Variants in PKNOX2 observed in about 807,000 individuals in gnomAD.
PKNOX2 encodes the protein homeobox protein PKNOX2.
In PKNOX2, 14 loss-of-function variants were observed where a neutral mutation model predicts 53.1. That is an observed-to-expected ratio of 0.26 (90% CI 0.17 to 0.41). The LOEUF (loss-of-function observed/expected upper bound fraction) is 0.41, where lower values mean the gene tolerates loss of function less well. Among genes scored for constraint, PKNOX2 ranks in the 10% least tolerant of loss-of-function variants. The pLI is 1.00. For missense variants in PKNOX2, 496 were observed against 602.8 expected, an observed-to-expected ratio of 0.82 and a Z score of 1.85; for synonymous variants, 257 against 242.8, an observed-to-expected ratio of 1.06 and a Z score of -0.54.
intron 2 of PKNOX2, among the ~76,000 whole-genome samples, chr11:125,295,778 A>G (rs1013611421): frequency 6.6e-6 from 1 of 152,178 alleles, no homozygotes; most frequent in African/African-American, 2.4e-5. Flanking sequence ...GACCACCCAT[A>G]GCCTTTCTCG....
intron 1 of PKNOX2, among the ~76,000 whole-genome samples, chr11:125,176,155 T>C (rs115636193): frequency 0.03 from 4,638 of 152,228 alleles, 234 homozygotes; most frequent in African/African-American, 0.1. Context: ...CCAACCGGAA[T>C]TGGGGCCTCC....
At chr11:125,303,339 G>A (rs1246863843) in intron 2 of PKNOX2, among the ~76,000 whole-genome samples, 2 of 152,310 alleles carry the variant, frequency 1.3e-5, no homozygotes, top group East Asian at 3.9e-4. Flanking sequence ...TACAGGCTGA[G>A]GAATGTGCCT....
chr11:125,236,237 G>T lies in PKNOX2; in HGVS notation c.-130+1122G>T, dbSNP rs182250100. The stretch of plus-strand genomic sequence containing the variant: ...CCCGCCTAATGGCCTGCGATTCAGC[G>T]CCGGTCGCCTCTGTGATTGACGGGC... On this transcript the variant is annotated intron_variant, in intron 2 of 12. Coordinates refer to ENST00000298282, the MANE Select transcript of PKNOX2 (RefSeq NM_001382323.2). Among the ~76,000 whole-genome samples the T allele has an allele frequency of 1.0e-3, 155 of 152,272 alleles. 1 individual carries two copies. Among genetic ancestry groups the T allele is most frequent in the Non-Finnish European group, 1.0e-4 (7 of 68,028 alleles).
chr11:125,229,130 C>T lies in PKNOX2; in HGVS notation c.-200-5915C>T, dbSNP rs189897085. On this transcript the variant is annotated intron_variant, in intron 1 of 12. Coordinates refer to ENST00000298282, the MANE Select transcript of PKNOX2 (RefSeq NM_001382323.2). The stretch of plus-strand genomic sequence containing the variant: ...GGTGTTGGCATTTCCTGGCCCTCCT[C>T]CTCCAGCATGCAGCTGAGTACGGCA... Among the ~76,000 whole-genome samples the T allele has an allele frequency of 1.2e-3, 184 of 152,330 alleles. 1 individual carries two copies. Among genetic ancestry groups the T allele is most frequent in the Admixed American group, 3.2e-3 (49 of 15,312 alleles).
intron 1 of PKNOX2, among the ~76,000 whole-genome samples, chr11:125,217,939 TTC>T (rs1940707280): frequency 6.6e-6 from 1 of 152,166 alleles, no homozygotes; most frequent in Admixed American, 6.5e-5. Flanking sequence ...AACCTCAACT[TTC>T]TGTTGCACTG....
intron 2 of PKNOX2, among the ~76,000 whole-genome samples, chr11:125,256,530 T>A (rs1944410860): frequency 6.6e-6 from 1 of 152,106 alleles, no homozygotes; most frequent in Admixed American, 6.5e-5. Context: ...CCAGACTCCA[T>A]CCAGTGAGTT....
At chr11:125,232,614 T>C (rs1942307243) in intron 1 of PKNOX2, among the ~76,000 whole-genome samples, 1 of 152,236 alleles carries the variant, frequency 6.6e-6, no homozygotes, top group Non-Finnish European at 1.5e-5. Context: ...TCCTCTCTTT[T>C]CTATTCATCA....
intron 10 of PKNOX2, among the ~76,000 whole-genome samples, chr11:125,414,236 G>C (rs1398134068): frequency 6.6e-6 from 1 of 152,166 alleles, no homozygotes; most frequent in East Asian, 1.9e-4. Flanking sequence ...ACCCAGGCTG[G>C]CATCTACAGA....
chr11:125,268,241 C>T (rs575727716), intron 2 of PKNOX2, among the ~76,000 whole-genome samples: 1 of 152,366 alleles, frequency 6.6e-6, no homozygotes, highest in South Asian at 2.1e-4. Flanking sequence ...AAAAGCATCT[C>T]TCAACCCAAT....
chr11:125,346,062 C>T (rs1376641599), intron 3 of PKNOX2, among the ~76,000 whole-genome samples: 1 of 152,068 alleles, frequency 6.6e-6, no homozygotes, highest in African/African-American at 2.4e-5. Flanking sequence ...TTGAAGCCAG[C>T]CAGGTTACTA....
chr11:125,225,951 A>G (rs1436903094), intron 1 of PKNOX2, among the ~76,000 whole-genome samples: 2 of 152,146 alleles, frequency 1.3e-5, no homozygotes, highest in Admixed American at 6.6e-5. Flanking sequence ...AAGCCCAGGG[A>G]TCAACCTGTA....
At chr11:125,277,066 A>G (rs1314599222) in intron 2 of PKNOX2, among the ~76,000 whole-genome samples, 1 of 152,182 alleles carries the variant, frequency 6.6e-6, no homozygotes, top group Non-Finnish European at 1.5e-5. Flanking sequence ...TTAATGAAGT[A>G]GGATTGGAGA....
intron 5 of PKNOX2, 65 bp downstream of exon 5, chr11:125,368,050 G>A: frequency 6.4e-7 from 1 of 1,551,770 alleles, no homozygotes; most frequent in Non-Finnish European, 8.7e-7. Context: ...AGCTGTGAGG[G>A]ATGAGAATGC....
intron 2 of PKNOX2, among the ~76,000 whole-genome samples, chr11:125,267,087 G>T (rs955874752): frequency 3.9e-5 from 6 of 152,340 alleles, no homozygotes; most frequent in Middle Eastern, 3.4e-3. Context: ...ACCAGCCAAA[G>T]CACGGACCCT....
chr11:125,254,730 A>C (rs1433532803), intron 2 of PKNOX2, among the ~76,000 whole-genome samples: 1 of 152,108 alleles, frequency 6.6e-6, no homozygotes, highest in East Asian at 1.9e-4. Flanking sequence ...TGCTCTAGCC[A>C]ACCTTCTTTT....
chr11:125,216,584 T>C (rs1368699534), intron 1 of PKNOX2, among the ~76,000 whole-genome samples: 1 of 151,918 alleles, frequency 6.6e-6, no homozygotes, highest in Non-Finnish European at 1.5e-5. Flanking sequence ...TGAGAAGGGG[T>C]GTGTGTTTTC....
rs956231196 is a variant in PKNOX2, at chr11:125,416,171, C to T, written c.936+4306C>T. ...ACAAAAAATTAGCCGGGCGTGGTGG[C>T]GGGCGCCTGTAGTCCCAGCTACTTG... On this transcript the variant is annotated intron_variant, in intron 10 of 12. Transcript: ENST00000298282. 3.3e-5 allele frequency among the ~76,000 whole-genome samples: 5 copies of T among 151,288 alleles called. No homozygotes were observed. The East Asian group carries it at 7.8e-4, about 23-fold the overall frequency.
chr11:125,180,360 G>C (rs1351684506), intron 1 of PKNOX2, among the ~76,000 whole-genome samples: 2 of 152,170 alleles, frequency 1.3e-5, no homozygotes, highest in Non-Finnish European at 2.9e-5. Context: ...TAAAAGCCCA[G>C]GCAATGTTTG....
At chr11:125,188,075 T>TGGAGA (rs1176826428) in intron 1 of PKNOX2, 1 of 152,250 alleles carries the variant, frequency 6.6e-6, no homozygotes, top group Non-Finnish European at 1.5e-5. Context: ...AAACAGCCCT[T>TGGAGA]GGAGACAAGC....
Sources: gnomAD v4.1 joint callset for allele counts (sites outside exome capture counted in the v4.1 genomes callset) on GRCh38, gnomAD v4.1.1 for gene constraint, MANE v1.5 for transcripts, NCBI Gene and HGNC (gene_info 2026-07-23, HGNC 2026-07-21) for gene names.